Variants in SLC41A3 observed in about 807,000 individuals in gnomAD.
The protein encoded by SLC41A3 is SLC41A1-like 2.
In SLC41A3, 44 loss-of-function variants were observed where a neutral mutation model predicts 45.4. That is an observed-to-expected ratio of 0.97 (90% CI 0.76 to 1.25). The LOEUF (loss-of-function observed/expected upper bound fraction) is 1.25. SLC41A3 is among the 50% of genes most tolerant of loss of function. The probability of loss-of-function intolerance (pLI) is 0.00; values close to 1 mark genes in which losing one functional copy is unlikely to be tolerated. For synonymous variants in SLC41A3, 256 were observed against 252.4 expected (o/e 1.01, Z -0.13); for missense variants, 550 against 600.6 (o/e 0.92, Z 0.88).
chr3:126,095,421 G>A (rs570443025), intron 1 of SLC41A3: 17 of 484,732 alleles, frequency 3.5e-5, no homozygotes, highest in African/African-American at 2.4e-4. Flanking sequence ...TAAGGAAAGC[G>A]AGACAGCCAG....
chr3:126,070,835 T>C (rs1387370332), intron 1 of SLC41A3, among the ~76,000 whole-genome samples: 2 of 139,746 alleles, frequency 1.4e-5, no homozygotes, highest in East Asian at 2.0e-4. Flanking sequence ...CCTAGACAGA[T>C]TTTTTTTTTT....
intron 6 of SLC41A3, among the ~76,000 whole-genome samples, chr3:126,021,780 G>T (rs1940905983): frequency 6.6e-6 from 1 of 152,160 alleles, no homozygotes; most frequent in South Asian, 2.1e-4. Flanking sequence ...AGCTCAGTGG[G>T]AGCATAGATT....
In SLC41A3 at chr3:126,026,392, C is replaced by T. The variant is rs756973787; in HGVS notation, c.541G>A (p.Val181Met). 1 of 1,586,164 alleles carries T rather than the reference C, an allele frequency of 6.3e-7. No individual in the cohort carries two copies. The highest frequency in any genetic ancestry group is 8.6e-7 in the Non-Finnish European group (1 of 1,165,346). Residue 181 changes from valine (V) to methionine (M), a missense_variant, in exon 5 of 11, where the codon GTG becomes ATG. By Grantham distance (21) the Val-to-Met change is conservative (BLOSUM62 1). Coordinates refer to ENST00000360370, the MANE Select transcript of SLC41A3 (RefSeq NM_017836.4). The surrounding 1 kb of genome is among the most constrained non-coding windows in gnomAD (Gnocchi z 4.2). ...VSREEVDVAKVELLCASSVLT... is the reference protein window; with the variant it reads ...VSREEVDVAKMELLCASSVLT... ...ACACTGCTGGCACACAGCAACTCCA[C>T]CTTGGCGACATCCACTTCCTCTCGA...
chr3:126,008,832 C>T lies in SLC41A3; in HGVS notation c.1154G>A (p.Gly385Asp). ...GATGATGTAGAAGAAAATCAGATGG[C>T]CTGGGACCACCAGCAAGAGCAGGAC... Reference protein sequence around the residue: ...ARVLLLLVVPGHLIFFYIIYL... With the variant: ...ARVLLLLVVPDHLIFFYIIYL... The change falls in exon 10 of 11, where the codon GGC becomes GAC. Residue 385 changes from glycine (G) to aspartate (D), a missense_variant. Coordinates refer to ENST00000360370, the MANE Select transcript of SLC41A3 (RefSeq NM_017836.4). The T allele has an allele frequency of 1.2e-6, 2 of 1,614,110 alleles. No individual in the cohort carries two copies. Among genetic ancestry groups the T allele is most frequent in the Non-Finnish European group, 1.7e-6 (2 of 1,180,020 alleles).
At chr3:126,011,630 T>C (rs1035393699) in intron 9 of SLC41A3, among the ~76,000 whole-genome samples, 1 of 152,186 alleles carries the variant, frequency 6.6e-6, no homozygotes, top group Non-Finnish European at 1.5e-5. Flanking sequence ...TCCATACCAA[T>C]ACATATCATA....
chr3:126,008,812 T>C lies in SLC41A3; in HGVS notation c.1174A>G (p.Ile392Val). ...VVPGHLIFFY[I>V]IYLVEGQSVI... ...GACTGACCCTCCACCAGGTAGATGA[T>C]GTAGAAGAAAATCAGATGGCCTGGG... Residue 392 changes from isoleucine to valine, a missense_variant, in exon 10 of 11, where the codon ATC (isoleucine) becomes GTC (valine). Transcript: ENST00000360370. 1.2e-6 allele frequency: 2 copies of C among 1,614,074 alleles called. No individual in the cohort carries two copies. The highest frequency in any genetic ancestry group is 8.5e-7 in the Non-Finnish European group (1 of 1,180,010).
At chr3:126,088,193 C>T (rs1945430569), upstream of SLC41A3, among the ~76,000 whole-genome samples, 2 of 151,996 alleles carry the variant, frequency 1.3e-5, no homozygotes, top group South Asian at 4.1e-4. Flanking sequence ...CCTTTTAATT[C>T]TGCATGCCTG....
intron 2 of SLC41A3, among the ~76,000 whole-genome samples, chr3:126,063,733 G>A (rs1156392957): frequency 1.3e-5 from 2 of 152,316 alleles, no homozygotes; most frequent in South Asian, 2.1e-4. Flanking sequence ...AGACATGGCC[G>A]ACGGTGGCCA....
intron 9 of SLC41A3, among the ~76,000 whole-genome samples, chr3:126,009,543 T>C (rs1243112016): frequency 6.6e-6 from 1 of 152,168 alleles, no homozygotes; most frequent in Non-Finnish European, 1.5e-5. Flanking sequence ...AATTCTAACA[T>C]GAATATGATT....
At chr3:126,086,408 GTTTTTTTTT>G (rs57316346), upstream of SLC41A3, among the ~76,000 whole-genome samples, 4 of 21,184 alleles carry the variant, frequency 1.9e-4, no homozygotes, top group African/African-American at 4.0e-4. Flanking sequence ...TTGTTTTCTT[GTTTTTTTTT>G]TTTTTTTTTT....
At chr3:126,084,208 G>A (rs978305946), upstream of SLC41A3, 1 of 151,952 alleles carries the variant, frequency 6.6e-6, no homozygotes, top group African/African-American at 2.4e-5. Flanking sequence ...CCGGCCGGGC[G>A]GCCGGACCTC....
intron 1 of SLC41A3, among the ~76,000 whole-genome samples, chr3:126,097,219 C>T (rs183544013): frequency 1.3e-5 from 2 of 152,234 alleles, no homozygotes; most frequent in African/African-American, 4.8e-5. Flanking sequence ...GGGAGTTATA[C>T]ACAGGCCCAT....
intron 2 of SLC41A3, among the ~76,000 whole-genome samples, chr3:126,063,282 C>T (rs1944165725): frequency 6.6e-6 from 1 of 152,094 alleles, no homozygotes; most frequent in South Asian, 2.1e-4. Flanking sequence ...TGCCAGACGC[C>T]ATGGTGCCAG....
At chr3:126,081,848 CAA>C (rs1425861845) in intron 1 of SLC41A3, among the ~76,000 whole-genome samples, 4 of 152,260 alleles carry the variant, frequency 2.6e-5, no homozygotes, top group Non-Finnish European at 4.4e-5. Context: ...GAGGTTAACC[CAA>C]GAGTGCGCAG....
chr3:126,074,027 G>A (rs1384523366), intron 1 of SLC41A3, among the ~76,000 whole-genome samples: 1 of 152,042 alleles, frequency 6.6e-6, no homozygotes, highest in Non-Finnish European at 1.5e-5. Context: ...TGCAAAGTTG[G>A]TTCAATATAT....
At chr3:126,008,166 C>T (rs376416947) in intron 10 of SLC41A3, among the ~76,000 whole-genome samples, 10 of 152,374 alleles carry the variant, frequency 6.6e-5, no homozygotes, top group South Asian at 4.1e-4. Context: ...ATGTGCTGCG[C>T]GCAGTGTGTG....
intron 3 of SLC41A3, among the ~76,000 whole-genome samples, chr3:126,039,357 T>C (rs1942426853): frequency 6.6e-6 from 1 of 152,232 alleles, no homozygotes; most frequent in East Asian, 1.9e-4. Context: ...CCACAGCTCC[T>C]GAATCTCATT....
intron 2 of SLC41A3, among the ~76,000 whole-genome samples, chr3:126,065,799 A>G (rs1397517078): frequency 3.9e-5 from 6 of 152,244 alleles, no homozygotes; most frequent in African/African-American, 1.4e-4. Flanking sequence ...TCCACATCAC[A>G]ATGAAATGAT....
intron 1 of SLC41A3, among the ~76,000 whole-genome samples, chr3:126,100,862 A>G (rs1412518232): frequency 6.6e-6 from 1 of 152,098 alleles, no homozygotes; most frequent in Admixed American, 6.5e-5. Context: ...TTGACTCACC[A>G]CCACTTTCCT....
Sources: gnomAD v4.1 joint callset for allele counts (sites outside exome capture counted in the v4.1 genomes callset) on GRCh38, gnomAD v4.1.1 for gene constraint, Gnocchi (gnomAD v3.1) non-coding constraint, MANE v1.5 for transcripts, NCBI Gene and HGNC (gene_info 2026-07-23, HGNC 2026-07-21) for gene names.